EHD1: variants seen among roughly 807,000 people sequenced by gnomAD.
EHD1 encodes EH domain containing 1.
EHD1 carries 19 observed loss-of-function variants against 39.0 expected under a neutral mutation model. The ratio of observed to expected loss-of-function variants is 0.49; its 90% CI spans 0.34 to 0.72. EHD1 has a LOEUF of 0.72. EHD1 is among the 30% of genes least tolerant of loss of function. The pLI, the probability that EHD1 is intolerant of heterozygous loss-of-function variation, is 0.01. For missense variants in EHD1, 542 were observed against 751.5 expected (o/e 0.72, Z 3.26); for synonymous variants, 323 against 331.2 (o/e 0.98, Z 0.27).
At chr11:64,867,683 CTG>C (rs1464618065) in intron 2 of EHD1, among the ~76,000 whole-genome samples, 1 of 152,182 alleles carries the variant, frequency 6.6e-6, no homozygotes, top group African/African-American at 2.4e-5. Context: ...GATCGTGCCA[CTG>C]TACTCCAGCC....
At chr11:64,869,315 C>A (rs1943802990) in intron 2 of EHD1, among the ~76,000 whole-genome samples, 1 of 152,212 alleles carries the variant, frequency 6.6e-6, no homozygotes, top group South Asian at 2.1e-4. Context: ...TCCTGGCCTG[C>A]TGGGCCACAG....
upstream of EHD1, chr11:64,879,628 C>T (rs541170207): frequency 2.8e-5 from 43 of 1,551,024 alleles, 1 homozygote; most frequent in East Asian, 9.0e-4. Flanking sequence ...CTGGCTGTTC[C>T]ATGGGGCTCA....
At chr11:64,878,856 A>C, upstream of EHD1, 5 of 1,096,250 alleles carry the variant, frequency 4.6e-6, no homozygotes, top group Non-Finnish European at 5.5e-6. Context: ...CGCCCCTCGT[A>C]GGGAGGCTCG....
intron 3 of EHD1, 61 bp from the exon 4 acceptor site, chr11:64,855,547 C>T: frequency 5.6e-6 from 9 of 1,601,766 alleles, no homozygotes; most frequent in Non-Finnish European, 7.6e-6. Flanking sequence ...GAGAGCAGAG[C>T]CTCCAAGGAC....
In EHD1 at chr11:64,854,667, T is replaced by G. The variant is rs1198360200; in HGVS notation, c.1271A>C (p.His424Pro). 6 of 1,613,836 alleles carry G rather than the reference T, an allele frequency of 3.7e-6. No individual in the cohort carries two copies. The Admixed American group carries it at 5.0e-5, about 13-fold the overall frequency. The change falls in exon 5 of 5, where the codon CAC becomes CCC. Residue 424 changes from histidine (H) to proline (P), a missense_variant. Physicochemically the swap from His to Pro is moderately conservative, Grantham distance 77. Transcript: ENST00000320631. ...CTCGCCGGCCCCCTCGCCGTAGCCG[T>G]GCCCGAACGGCCCGTTCATGGTGCC... ...FDGTMNGPFG[H>P]GYGEGAGEGI...
intron 2 of EHD1, among the ~76,000 whole-genome samples, chr11:64,867,234 C>T (rs1943777503): frequency 6.6e-6 from 1 of 152,020 alleles, no homozygotes; most frequent in Non-Finnish European, 1.5e-5. Flanking sequence ...GCCTGACCAA[C>T]ATGGTGAAAC....
At chr11:64,875,826 G>A (rs1225947151) in intron 1 of EHD1, among the ~76,000 whole-genome samples, 1 of 152,244 alleles carries the variant, frequency 6.6e-6, no homozygotes, top group East Asian at 1.9e-4. Flanking sequence ...GCCAGTGCCA[G>A]TAGCAATGCA....
upstream of EHD1, chr11:64,878,712 C>T (rs1163342357): frequency 1.5e-5 from 20 of 1,343,520 alleles, no homozygotes; most frequent in Non-Finnish European, 1.8e-5. Flanking sequence ...GAATTGGGGG[C>T]GGTAGGGAGG....
At position 64,878,531 on chromosome 11, in the gene EHD1, G is replaced by T; in HGVS notation, c.-67C>A. 1 of 1,503,028 alleles carries T rather than the reference G, an allele frequency of 6.7e-7. No homozygotes were observed. Among genetic ancestry groups the T allele is most frequent in the Non-Finnish European group, 8.8e-7 (1 of 1,130,376 alleles). The allele number at this position is 1,503,028 out of a possible 1,614,324, so 93.1% of individuals were successfully genotyped here. A position where few individuals can be genotyped will look rare whatever the true frequency, so the allele number is the denominator to read the frequency against. On this transcript the variant is annotated 5_prime_UTR_variant, in exon 1 of 5. Transcript: ENST00000320631. ...GCTGAGAGCGGGGCGAGGGTGCGGA[G>T]CCGAGGCGGGGCCGGCCGGGGCAGG...
chr11:64,852,833 G>C lies in EHD1; in HGVS notation c.*1500C>G, dbSNP rs1226047848. The C allele has an allele frequency of 1.3e-5, 2 of 152,574 alleles. No individual in the cohort carries two copies. The highest frequency in any genetic ancestry group is 4.8e-5 in the African/African-American group (2 of 41,484). The allele number at this position is 152,574 out of a possible 1,614,324, so 9.5% of individuals were successfully genotyped here. A position where few individuals can be genotyped will look rare whatever the true frequency, so the allele number is the denominator to read the frequency against. On this transcript the variant is annotated 3_prime_UTR_variant, in exon 5 of 5. Transcript: ENST00000320631. ...ACTTCAACAGTGACTTCCCGGCAAG[G>C]ACAGCGCCCGCATCCATCCTCACCT...
intron 2 of EHD1, among the ~76,000 whole-genome samples, chr11:64,867,727 C>A (rs1388924594): frequency 6.6e-6 from 1 of 152,086 alleles, no homozygotes; most frequent in Non-Finnish European, 1.5e-5. Context: ...CATCTCCGTA[C>A]CCCCACCTCC....
In EHD1 at chr11:64,854,550, G is replaced by A. The variant is rs1487135938; in HGVS notation, c.1388C>T (p.Thr463Met). The change falls in exon 5 of 5, where the codon ACG (threonine) becomes ATG (methionine). Residue 463 changes from threonine (T) to methionine (M), a missense_variant. By Grantham distance (81) the Thr-to-Met change is moderately conservative. Transcript: ENST00000320631. Reference sequence around the variant, plus strand: ...CATCTCCTTCTTGGCGTTGGCGCCCGTGATCTTGCCGTTGACAGGGGACAG... The same window carrying A: ...CATCTCCTTCTTGGCGTTGGCGCCCATGATCTTGCCGTTGACAGGGGACAG... Reference protein sequence around the residue: ...YTLSPVNGKITGANAKKEMVK... With the variant: ...YTLSPVNGKIMGANAKKEMVK... 8.7e-6 allele frequency: 14 copies of A among 1,614,046 alleles called. No individual in the cohort carries two copies. In the Middle Eastern group the frequency reaches 8.2e-4, roughly 95 times the overall value.
chr11:64,874,311 A>T (rs1260285530), intron 2 of EHD1, 110 bp downstream of exon 2: 33 of 1,047,416 alleles, frequency 3.2e-5, no homozygotes, highest in Non-Finnish European at 4.0e-5. Context: ...CAAAAAAAAA[A>T]AAAAAAAAAA....
chr11:64,857,015 G>A (rs969873307), intron 3 of EHD1, among the ~76,000 whole-genome samples: 15 of 152,244 alleles, frequency 9.9e-5, no homozygotes, highest in Admixed American at 2.0e-4. Flanking sequence ...ACACCCCTCA[G>A]CTCAGGACGT....
At chr11:64,869,873 G>A (rs1034233661) in intron 2 of EHD1, among the ~76,000 whole-genome samples, 1 of 152,244 alleles carries the variant, frequency 6.6e-6, no homozygotes, top group Non-Finnish European at 1.5e-5. Flanking sequence ...TCGGCAGGAA[G>A]TGGGGGCGGC....
chr11:64,869,415 C>A (rs1438211096), intron 2 of EHD1, among the ~76,000 whole-genome samples: 1 of 152,238 alleles, frequency 6.6e-6, no homozygotes, highest in East Asian at 1.9e-4. Context: ...ACGGGAAACC[C>A]CGGCTGAGTC....
Position 64,854,446 on chromosome 11 carries a change from C to T in EHD1, c.1492G>A (p.Asp498Asn), listed in dbSNP as rs762647797. 10 of 1,614,132 alleles carry T rather than the reference C, an allele frequency of 6.2e-6. No individual in the cohort carries two copies. Among genetic ancestry groups the T allele is most frequent in the East Asian group, 4.5e-5 (2 of 44,868 alleles). ...TGGTTGGCCAGCGCGAACTCCTCGT[C>T]GTCCAGCAGCCCGTCCTTGTCCACG... ...ADVDKDGLLD[D>N]EEFALANHLI... is the part of the protein sequence containing the mutation. Residue 498 changes from aspartate (D) to asparagine (N), a missense_variant, in exon 5 of 5, where the codon GAC (aspartate) becomes AAC (asparagine). Transcript: ENST00000320631.
At position 64,854,207 on chromosome 11, in the gene EHD1, C is replaced by T. The variant is rs535925350; in HGVS notation, c.*126G>A. ...GCCTTAAAAGAAAGATGGTGGTTTT[C>T]CTTTTCGAGAGGCGAGGAAACATCC... On this transcript the variant is annotated 3_prime_UTR_variant, in exon 5 of 5. Transcript: ENST00000320631. 7.1e-7 allele frequency: 1 copy of T among 1,415,168 alleles called. No homozygotes were observed. The highest frequency in any genetic ancestry group is 1.4e-5 in the African/African-American group (1 of 69,376). 87.7% of individuals were successfully genotyped at this position (1,415,168 alleles called of 1,614,324 possible).
At chr11:64,858,439 T>C (rs1387766990) in intron 3 of EHD1, among the ~76,000 whole-genome samples, 2 of 152,074 alleles carry the variant, frequency 1.3e-5, no homozygotes, top group African/African-American at 4.8e-5. Context: ...CCCACCCACC[T>C]TGGCCTCCCA....
Sources: allele counts gnomAD v4.1 joint callset (sites outside exome capture counted in the v4.1 genomes callset), GRCh38; gene constraint gnomAD v4.1.1; transcripts MANE v1.5; gene names NCBI Gene and HGNC (gene_info 2026-07-23, HGNC 2026-07-21).